ALDH1A1: variants seen among roughly 807,000 people sequenced by gnomAD.
ALDH1A1 encodes aldehyde dehydrogenase 1 family member A1, also known as aldehyde dehydrogenase 1A1.
ALDH1A1 carries 19 observed loss-of-function variants against 62.1 expected under a neutral mutation model. The ratio of observed to expected loss-of-function variants is 0.31; its 90% CI spans 0.21 to 0.45. ALDH1A1 has a LOEUF of 0.45. Ranked by LOEUF, ALDH1A1 falls within the 20% of genes least tolerant of loss-of-function variation. The pLI is 1.00. For synonymous variants in ALDH1A1, 231 were observed against 215.9 expected, an observed-to-expected ratio of 1.07 and a Z score of -0.61; for missense variants, 521 against 607.1, an observed-to-expected ratio of 0.86 and a Z score of 1.49.
chr9:72,914,914 C>T (rs1830041383), intron 9 of ALDH1A1, among the ~76,000 whole-genome samples: 1 of 152,052 alleles, frequency 6.6e-6, no homozygotes. Flanking sequence ...CCTCAGTTCA[C>T]TCAACCACCC....
chr9:72,924,283 A>AC, intron 6 of ALDH1A1, 151 bp from the exon 7 acceptor site: 1 of 571,822 alleles, frequency 1.7e-6, no homozygotes, highest in Non-Finnish European at 3.1e-6. Flanking sequence ...TAGTCTTATT[A>AC]TGTCATTTCT....
At chr9:72,933,485 G>T (rs1350893988) in intron 2 of ALDH1A1, among the ~76,000 whole-genome samples, 1 of 151,716 alleles carries the variant, frequency 6.6e-6, no homozygotes. Flanking sequence ...TACCCAGGAG[G>T]CTGAAGTGGG....
At chr9:72,944,789 T>A (rs978692449) in intron 1 of ALDH1A1, among the ~76,000 whole-genome samples, 3 of 152,126 alleles carry the variant, frequency 2.0e-5, no homozygotes, top group African/African-American at 2.4e-5. Flanking sequence ...TCAATTCTAA[T>A]TATGAATTTT....
In ALDH1A1 at chr9:72,906,042, A is replaced by C; in HGVS notation, c.1359-10T>G. The C allele has an allele frequency of 6.2e-7, 1 of 1,604,924 alleles. No individual in the cohort carries two copies. The highest frequency in any genetic ancestry group is 8.5e-7 in the Non-Finnish European group (1 of 1,173,982). On this transcript the variant is annotated splice_polypyrimidine_tract_variant and intron_variant, in intron 11 of 12. Coordinates refer to ENST00000297785, the MANE Select transcript of ALDH1A1 (RefSeq NM_000689.5). ...GCCATAGCAATTCACCCTGAAGGAA[A>C]AGAAAAGTGCATTATAGACAATACT...
intron 9 of ALDH1A1, among the ~76,000 whole-genome samples, chr9:72,914,827 C>T (rs558808681): frequency 1.3e-5 from 2 of 151,842 alleles, no homozygotes; most frequent in Non-Finnish European, 2.9e-5. Context: ...TAAAACAAAT[C>T]GTTTTGACCA....
At chr9:72,925,396 G>A (rs1298720442) in intron 6 of ALDH1A1, 88 bp downstream of exon 6, 3 of 1,465,410 alleles carry the variant, frequency 2.0e-6, no homozygotes, top group Non-Finnish European at 2.8e-6. Flanking sequence ...TGTAAATAAT[G>A]TACTTTATAG....
intron 2 of ALDH1A1, among the ~76,000 whole-genome samples, chr9:72,935,855 G>A (rs1830340756): frequency 1.3e-5 from 2 of 152,086 alleles, no homozygotes; most frequent in Non-Finnish European, 2.9e-5. Context: ...TAGGTTTACT[G>A]TGACTATGTA....
At chr9:72,912,613 A>G (rs889003148) in intron 9 of ALDH1A1, among the ~76,000 whole-genome samples, 1 of 152,036 alleles carries the variant, frequency 6.6e-6, no homozygotes, top group Admixed American at 6.6e-5. Context: ...TTTCTGAATC[A>G]CCCACTCTGA....
chr9:72,933,444 T>C, intron 2 of ALDH1A1, among the ~76,000 whole-genome samples: 1 of 151,970 alleles, frequency 6.6e-6, no homozygotes, highest in South Asian at 2.1e-4. Context: ...GTATGTTGCT[T>C]GGTGTGGTGG....
chr9:72,919,740 C>CTGT (rs1830113920), intron 7 of ALDH1A1, among the ~76,000 whole-genome samples: 1 of 152,220 alleles, frequency 6.6e-6, no homozygotes, highest in Non-Finnish European at 1.5e-5. Flanking sequence ...CCACCCAACA[C>CTGT]ACACACCTTT....
chr9:72,923,936 G>A (rs1461086896), intron 7 of ALDH1A1, 83 bp downstream of exon 7: 5 of 905,632 alleles, frequency 5.5e-6, no homozygotes, highest in South Asian at 3.8e-5. Flanking sequence ...TAAAATTGTT[G>A]GCTCAAAAAT....
At chr9:72,937,303 G>A (rs898685933) in intron 2 of ALDH1A1, among the ~76,000 whole-genome samples, 1 of 150,682 alleles carries the variant, frequency 6.6e-6, no homozygotes, top group African/African-American at 2.4e-5. Context: ...TCTGCAAGAA[G>A]CATATTGTCT....
At chr9:72,918,546 T>C (rs538075103) in intron 8 of ALDH1A1, among the ~76,000 whole-genome samples, 174 bp downstream of exon 8, 2 of 151,708 alleles carry the variant, frequency 1.3e-5, no homozygotes, top group South Asian at 4.2e-4. Flanking sequence ...GTTATAACTT[T>C]AGGATGATTT....
At chr9:72,945,304 A>G (rs1183986068) in intron 1 of ALDH1A1, among the ~76,000 whole-genome samples, 1 of 151,958 alleles carries the variant, frequency 6.6e-6, no homozygotes, top group East Asian at 1.9e-4. Context: ...AAAGATACTC[A>G]GAGTGCCTTA....
chr9:72,931,204 T>G (rs969797901), intron 2 of ALDH1A1, among the ~76,000 whole-genome samples, 185 bp from the exon 3 acceptor site: 3 of 152,344 alleles, frequency 2.0e-5, no homozygotes, highest in African/African-American at 7.2e-5. Flanking sequence ...CTGAATAATC[T>G]TTACATGATG....
chr9:72,923,628 A>G (rs908120375), intron 7 of ALDH1A1, among the ~76,000 whole-genome samples: 2 of 152,166 alleles, frequency 1.3e-5, no homozygotes, highest in Non-Finnish European at 2.9e-5. Flanking sequence ...GACAACCCCA[A>G]ATAAGGTGCA....
At chr9:72,948,471 T>C (rs1204244867) in intron 1 of ALDH1A1, among the ~76,000 whole-genome samples, 3 of 151,942 alleles carry the variant, frequency 2.0e-5, no homozygotes, top group Non-Finnish European at 4.4e-5. Context: ...GATTAGCCTT[T>C]GGATAGTTCT....
chr9:72,921,614 G>C (rs907229883), intron 7 of ALDH1A1, among the ~76,000 whole-genome samples: 3 of 147,290 alleles, frequency 2.0e-5, no homozygotes, highest in African/African-American at 7.6e-5. Context: ...ATGCTGGTGC[G>C]CTGCACCCAC....
chr9:72,945,821 A>G (rs1830467596), intron 1 of ALDH1A1, among the ~76,000 whole-genome samples: 1 of 152,126 alleles, frequency 6.6e-6, no homozygotes, highest in East Asian at 1.9e-4. Flanking sequence ...GAAATTAAGG[A>G]GGAAATAACA....
Sources: gnomAD v4.1 joint callset for allele counts (sites outside exome capture counted in the v4.1 genomes callset) on GRCh38, gnomAD v4.1.1 for gene constraint, MANE v1.5 for transcripts, NCBI Gene and HGNC (gene_info 2026-07-23, HGNC 2026-07-21) for gene names.